The following WDR4 variants were observed in gnomAD, a reference collection of about 807,000 sequenced individuals.
The protein encoded by WDR4 is WDR4 tRNA N7-guanosine methyltransferase non-catalytic subunit, also known as tRNA (guanine-N(7)-)-methyltransferase non-catalytic subunit WDR4.
In WDR4, 47 loss-of-function variants were observed where a neutral mutation model predicts 48.6. The observed-to-expected ratio is 0.97, with a 90% CI of 0.77 to 1.23. The LOEUF (loss-of-function observed/expected upper bound fraction) is 1.23. Ranked by LOEUF, WDR4 falls within the 50% of genes most tolerant of loss-of-function variation. WDR4 has a pLI of 0.00. For missense variants in WDR4, 606 were observed against 551.6 expected (o/e 1.10, Z -0.99); for synonymous variants, 268 against 230.0 (o/e 1.17, Z -1.49).
chr21:42,843,832 T>TAC (rs1157739698), intron 11 of WDR4, among the ~76,000 whole-genome samples: 1 of 152,112 alleles, frequency 6.6e-6, no homozygotes, highest in African/African-American at 2.4e-5. Flanking sequence ...ATGCTGGGAT[T>TAC]ACAGGCGTGA....
chr21:42,883,098 C>CAAAAAAAAAAA, upstream of WDR4, among the ~76,000 whole-genome samples: 1 of 87,306 alleles, frequency 1.1e-5, no homozygotes, highest in African/African-American at 5.0e-5. Flanking sequence ...GACTCCGTCT[C>CAAAAAAAAAAA]AAAAAAAAAA....
chr21:42,854,734 C>G, intron 7 of WDR4, 108 bp from the exon 8 acceptor site: 1 of 1,010,412 alleles, frequency 9.9e-7, no homozygotes, highest in Non-Finnish European at 1.4e-6. Flanking sequence ...CCCCACATAT[C>G]AAGGAAGAGG....
chr21:42,885,832 A>G, the WDR4 span, among the ~76,000 whole-genome samples: 35 of 152,012 alleles, frequency 2.3e-4, no homozygotes, highest in Admixed American at 8.5e-4. Context: ...AGTGGCTGGG[A>G]CTACAGGTGT....
At chr21:42,892,265 AAAAATTT>A in the WDR4 span, among the ~76,000 whole-genome samples, 1 of 101,576 alleles carries the variant, frequency 9.8e-6, no homozygotes, top group Non-Finnish European at 2.1e-5. Context: ...AAAAAAAAAA[AAAAATTT>A]AAACAAAAAA....
chr21:42,878,725 T>C (rs2058558035), intron 1 of WDR4, among the ~76,000 whole-genome samples: 1 of 152,168 alleles, frequency 6.6e-6, no homozygotes, highest in African/African-American at 2.4e-5. Context: ...TGCGTCGTCC[T>C]AGCACTGGCG....
chr21:42,865,386 C>A (rs1339288664), intron 3 of WDR4, among the ~76,000 whole-genome samples: 1 of 152,186 alleles, frequency 6.6e-6, no homozygotes, highest in Non-Finnish European at 1.5e-5. Context: ...CACAGAGGAG[C>A]AGCCCAAGAG....
At chr21:42,868,117 T>C (rs1371285005) in intron 3 of WDR4, among the ~76,000 whole-genome samples, 14 of 152,186 alleles carry the variant, frequency 9.2e-5, no homozygotes. Flanking sequence ...GAGAGAATTC[T>C]AGATTCCTCC....
upstream of WDR4, among the ~76,000 whole-genome samples, chr21:42,881,704 G>A (rs572689049): frequency 6.6e-6 from 1 of 152,280 alleles, no homozygotes; most frequent in East Asian, 1.9e-4. Flanking sequence ...AATGCCACAT[G>A]TTACAGTAGC....
downstream of WDR4, among the ~76,000 whole-genome samples, chr21:42,848,442 C>T (rs1271471396): frequency 2.3e-5 from 3 of 131,884 alleles, no homozygotes; most frequent in East Asian, 2.3e-4. Context: ...AATCACGCGG[C>T]GCGCACCTCA....
intron 2 of WDR4, among the ~76,000 whole-genome samples, chr21:42,875,835 C>T (rs1019473554): frequency 4.0e-5 from 6 of 151,720 alleles, no homozygotes; most frequent in Non-Finnish European, 5.9e-5. Flanking sequence ...CTACACCCGC[C>T]TTCAACCATT....
chr21:42,887,940 A>G, the WDR4 span, among the ~76,000 whole-genome samples: 1 of 152,114 alleles, frequency 6.6e-6, no homozygotes. Flanking sequence ...AACAAAAACA[A>G]AAACAAAAAA....
chr21:42,862,680 T>C lies in WDR4; in HGVS notation c.454-286A>G, dbSNP rs979243314. On this transcript the variant is annotated intron_variant, in intron 4 of 10. Coordinates refer to ENST00000398208, the MANE Select transcript of WDR4 (RefSeq NM_018669.6). The surrounding 1 kb of genome is among the most constrained non-coding windows in gnomAD (Gnocchi z 4.3). ...CCCCTGCCTGCCTGTCTCCCGCACCTTGGCAAATCCAGGCCCCACGCCCAT... is the reference window on the plus strand; with the variant it reads ...CCCCTGCCTGCCTGTCTCCCGCACCCTGGCAAATCCAGGCCCCACGCCCAT... Among the ~76,000 whole-genome samples the C allele has an allele frequency of 2.6e-5, 4 of 152,278 alleles. No individual in the cohort carries two copies. Among genetic ancestry groups the C allele is most frequent in the South Asian group, 4.1e-4 (2 of 4,830 alleles).
At chr21:42,884,803 G>A in the WDR4 span, among the ~76,000 whole-genome samples, 1 of 152,010 alleles carries the variant, frequency 6.6e-6, no homozygotes, top group African/African-American at 2.4e-5. Flanking sequence ...TTCCGACAGA[G>A]TCTCACTGTG....
At chr21:42,886,281 G>T in the WDR4 span, among the ~76,000 whole-genome samples, 1 of 151,948 alleles carries the variant, frequency 6.6e-6, no homozygotes, top group African/African-American at 2.4e-5. Flanking sequence ...GAACATTCAC[G>T]TTTACAATAT....
chr21:42,883,263 A>G (rs2058620026), upstream of WDR4, among the ~76,000 whole-genome samples: 1 of 133,072 alleles, frequency 7.5e-6, no homozygotes, highest in Non-Finnish European at 1.6e-5. Context: ...TAACAGAGTG[A>G]GACTCTGTCT....
upstream of WDR4, among the ~76,000 whole-genome samples, chr21:42,882,243 G>A (rs571072911): frequency 2.4e-4 from 36 of 151,146 alleles, no homozygotes; most frequent in African/African-American, 8.0e-4. Context: ...CCTAGAGTGA[G>A]TGTGGGCTTT....
chr21:42,848,294 G>A (rs1305800014), downstream of WDR4, among the ~76,000 whole-genome samples: 6 of 152,016 alleles, frequency 3.9e-5, no homozygotes, highest in African/African-American at 1.2e-4. Context: ...CCCAAATCAC[G>A]CGGCGCACAC....
At chr21:42,885,347 A>T in the WDR4 span, among the ~76,000 whole-genome samples, 2 of 152,092 alleles carry the variant, frequency 1.3e-5, no homozygotes, top group Non-Finnish European at 2.9e-5. Context: ...ACGGTGGCTC[A>T]TGCCTGTAAT....
chr21:42,873,473 A>T, intron 3 of WDR4, 78 bp downstream of exon 3: 8 of 1,572,366 alleles, frequency 5.1e-6, no homozygotes, highest in African/African-American at 1.3e-5. Flanking sequence ...TCACCATGTT[A>T]TGGTCACTAT....
Sources: gnomAD v4.1 joint callset for allele counts (sites outside exome capture counted in the v4.1 genomes callset) on GRCh38, gnomAD v4.1.1 for gene constraint, Gnocchi (gnomAD v3.1) non-coding constraint, MANE v1.5 for transcripts, NCBI Gene and HGNC (gene_info 2026-07-23, HGNC 2026-07-21) for gene names.